The following RBFOX1 variants were observed in gnomAD, a reference collection of about 807,000 sequenced individuals.
The protein encoded by RBFOX1 is RNA binding fox-1 homolog 1, also known as RNA binding protein fox-1 homolog 1.
Under a neutral mutation model 57.7 loss-of-function variants are expected in RBFOX1, and 8 were observed. The observed-to-expected ratio is 0.14, with a 90% CI of 0.08 to 0.25. The LOEUF (loss-of-function observed/expected upper bound fraction) is 0.25, where lower values mean the gene tolerates loss of function less well. Among genes scored for constraint, RBFOX1 ranks in the 10% least tolerant of loss-of-function variants. RBFOX1 has a pLI of 1.00. For missense variants in RBFOX1, 611 were observed against 548.5 expected (o/e 1.11, Z -1.14); for synonymous variants, 326 against 222.4 (o/e 1.47, Z -4.15).
intron 3 of RBFOX1, among the ~76,000 whole-genome samples, chr16:6,771,033 T>C (rs542513456): frequency 1.3e-5 from 2 of 152,220 alleles, no homozygotes; most frequent in Admixed American, 1.3e-4. Context: ...CCTTAGGAAG[T>C]TAATTCGGGT....
chr16:6,362,681 T>G (rs904844513), intron 2 of RBFOX1, among the ~76,000 whole-genome samples: 4 of 152,206 alleles, frequency 2.6e-5, no homozygotes, highest in African/African-American at 9.6e-5. Flanking sequence ...GGTGACTGGT[T>G]CTGGTCTAGC....
chr16:5,752,253 A>G (rs1367624895), intron 3 of RBFOX1, among the ~76,000 whole-genome samples: 2 of 152,180 alleles, frequency 1.3e-5, no homozygotes, highest in Non-Finnish European at 2.9e-5. Flanking sequence ...GGGGAGAAAT[A>G]CACACTGGGA....
At chr16:6,815,041 G>T (rs1482269278) in intron 3 of RBFOX1, among the ~76,000 whole-genome samples, 1 of 152,158 alleles carries the variant, frequency 6.6e-6, no homozygotes, top group Non-Finnish European at 1.5e-5. Context: ...ACAAGGGATG[G>T]ATTATTCATA....
intron 4 of RBFOX1, among the ~76,000 whole-genome samples, chr16:7,214,963 C>T (rs6500931): frequency 0.87 from 131,657 of 152,178 alleles, 57,260 homozygotes; most frequent in East Asian, 0.98. Flanking sequence ...TAGGTGTCCA[C>T]GTGCCATGGT....
chr16:5,911,460 A>G (rs2058601062), intron 4 of RBFOX1, among the ~76,000 whole-genome samples: 1 of 152,164 alleles, frequency 6.6e-6, no homozygotes, highest in Admixed American at 6.5e-5. Flanking sequence ...CTTCATCCCC[A>G]CAGTATTGAG....
intron 15 of RBFOX1, 170 bp from the exon 16 acceptor site, chr16:7,710,453 G>A: frequency 1.4e-6 from 2 of 1,454,880 alleles, no homozygotes; most frequent in South Asian, 3.1e-5. Context: ...TATTGGGGAA[G>A]GTCAGGAATG....
chr16:6,050,822 A>C (rs760438309), intron 1 of RBFOX1, among the ~76,000 whole-genome samples: 3 of 151,840 alleles, frequency 2.0e-5, no homozygotes, highest in Non-Finnish European at 2.9e-5. Context: ...GTTTATTTGC[A>C]TACTCTAGTG....
intron 4 of RBFOX1, chr16:7,304,528 G>C: frequency 1.0e-6 from 1 of 985,278 alleles, no homozygotes; most frequent in Non-Finnish European, 1.2e-6. Flanking sequence ...TCCTGGGGCT[G>C]GGCCAGATGG....
At chr16:5,856,034 C>T (rs1281142972) in intron 3 of RBFOX1, among the ~76,000 whole-genome samples, 2 of 134,196 alleles carry the variant, frequency 1.5e-5, no homozygotes, top group South Asian at 4.7e-4. Context: ...ATTTTCTTTC[C>T]AGTAGTTCAT....
chr16:5,820,093 T>C (rs2055790186), intron 3 of RBFOX1, among the ~76,000 whole-genome samples: 1 of 152,210 alleles, frequency 6.6e-6, no homozygotes, highest in South Asian at 2.1e-4. Flanking sequence ...GCACTATAAA[T>C]GCACTTTTGC....
chr16:6,676,101 A>C (rs1363879731), intron 3 of RBFOX1, among the ~76,000 whole-genome samples: 1 of 151,136 alleles, frequency 6.6e-6, no homozygotes, highest in East Asian at 2.0e-4. Flanking sequence ...TATTATCAGA[A>C]GTAGGTAGAA....
intron 3 of RBFOX1, among the ~76,000 whole-genome samples, chr16:5,654,805 C>G (rs188609552): frequency 6.6e-6 from 1 of 152,068 alleles, no homozygotes; most frequent in Non-Finnish European, 1.5e-5. Flanking sequence ...CTCTCTCTCT[C>G]TGTCCCTCGC....
chr16:5,872,130 A>G lies in RBFOX1; in HGVS notation c.351+4795A>G, dbSNP rs745931719. On this transcript the variant is annotated intron_variant, in intron 4 of 19. Transcript: ENST00000641259. ...AAAATATTCTTACCTACTAAAAGAC[A>G]CCAGTGCGTTTGAGAAAGGGGCTGA... 2.0e-5 allele frequency among the ~76,000 whole-genome samples: 3 copies of G among 152,196 alleles called. No individual in the cohort carries two copies. In the South Asian group the frequency reaches 6.2e-4, roughly 32 times the overall value.
chr16:6,632,031 T>TAATGTTTGGATAATGTTTGGAC (rs2098391161), intron 2 of RBFOX1, among the ~76,000 whole-genome samples: 1 of 152,024 alleles, frequency 6.6e-6, no homozygotes, highest in African/African-American at 2.4e-5. Context: ...TCTATTTGGA[T>TAATGTTTGGATAATGTTTGGAC]AATGTTTGGA....
At chr16:7,285,831 C>T (rs929202891) in intron 4 of RBFOX1, among the ~76,000 whole-genome samples, 3 of 152,180 alleles carry the variant, frequency 2.0e-5, no homozygotes, top group South Asian at 4.1e-4. Flanking sequence ...ATAAATAAAA[C>T]TGTTACAAAT....
At chr16:7,344,075 C>G (rs2096947932) in intron 4 of RBFOX1, among the ~76,000 whole-genome samples, 1 of 148,444 alleles carries the variant, frequency 6.7e-6, no homozygotes, top group South Asian at 2.2e-4. Context: ...TTGAGCCAGA[C>G]TGCCTGGGTT....
intron 4 of RBFOX1, among the ~76,000 whole-genome samples, chr16:5,870,710 C>A (rs1262450992): frequency 6.6e-6 from 1 of 151,580 alleles, no homozygotes; most frequent in East Asian, 1.9e-4. Flanking sequence ...GGGAGGTAAC[C>A]TTTTATTAAT....
At chr16:7,209,433 C>G (rs1454554757) in intron 4 of RBFOX1, among the ~76,000 whole-genome samples, 2 of 152,064 alleles carry the variant, frequency 1.3e-5, no homozygotes, top group Non-Finnish European at 2.9e-5. Flanking sequence ...ACTTACTTAC[C>G]TTTTTAAAAG....
chr16:6,919,349 A>G (rs571009411), intron 3 of RBFOX1, among the ~76,000 whole-genome samples: 1 of 152,192 alleles, frequency 6.6e-6, no homozygotes, highest in African/African-American at 2.4e-5. Context: ...AATTTCTCCA[A>G]ATTAATTCCT....
Sources: allele counts gnomAD v4.1 joint callset (sites outside exome capture counted in the v4.1 genomes callset), GRCh38; gene constraint gnomAD v4.1.1; transcripts MANE v1.5; gene names NCBI Gene and HGNC (gene_info 2026-07-23, HGNC 2026-07-21).